The following C5orf22 variants were observed in gnomAD, a reference collection of about 807,000 sequenced individuals.
C5orf22 encodes the protein chromosome 5 open reading frame 22.
In C5orf22, 36 loss-of-function variants were observed where a neutral mutation model predicts 48.7. That is an observed-to-expected ratio of 0.74 (90% confidence interval 0.57 to 0.98). The LOEUF is 0.98. Ranked by LOEUF, C5orf22 falls within the 50% of genes least tolerant of loss-of-function variation. The probability of loss-of-function intolerance (pLI) is 0.00; values close to 1 mark genes in which losing one functional copy is unlikely to be tolerated. For missense variants in C5orf22, 486 were observed against 521.9 expected (o/e 0.93, Z 0.67); for synonymous variants, 141 against 180.8 (o/e 0.78, Z 1.76).
Position 31,554,009 on chromosome 5 carries a change from T to A in C5orf22, c.*1107T>A, listed in dbSNP as rs948431825. Reference sequence around the variant, plus strand: ...CTGACCTGCCATAAATACCCAAAGATATAAACTGTCTTCCACCACCCCCCT... The same window carrying A: ...CTGACCTGCCATAAATACCCAAAGAAATAAACTGTCTTCCACCACCCCCCT... On this transcript the variant is annotated 3_prime_UTR_variant, in exon 9 of 9. Transcript: ENST00000325366. The A allele has an allele frequency of 6.6e-6, 1 of 152,152 alleles. No homozygotes were observed. The highest frequency in any genetic ancestry group is 2.1e-4 in the South Asian group (1 of 4,828). 9.4% of individuals were successfully genotyped at this position (152,152 alleles called of 1,614,324 possible).
At chr5:31,535,144 G>A in intron 2 of C5orf22, 1 of 376,888 alleles carries the variant, frequency 2.7e-6, no homozygotes, top group South Asian at 2.0e-5. Flanking sequence ...AAAAGTAGTA[G>A]TTTATTAAAG....
chr5:31,551,697 A>G (rs1743279133), intron 8 of C5orf22, among the ~76,000 whole-genome samples: 1 of 152,196 alleles, frequency 6.6e-6, no homozygotes, highest in Non-Finnish European at 1.5e-5. Context: ...CCACAAGCTA[A>G]GGAACACAGG....
At chr5:31,545,756 A>G (rs780468272) in intron 7 of C5orf22, 44 bp downstream of exon 7, 1 of 1,290,694 alleles carries the variant, frequency 7.7e-7, no homozygotes. Context: ...CTTTGTAAAG[A>G]CAATTTTCTG....
At chr5:31,542,457 G>C (rs1742529855) in intron 6 of C5orf22, among the ~76,000 whole-genome samples, 2 of 59,284 alleles carry the variant, frequency 3.4e-5, no homozygotes, top group African/African-American at 1.1e-4. Flanking sequence ...CTTTTTCTGA[G>C]ACTCCGTCTC....
intron 8 of C5orf22, 142 bp downstream of exon 8, chr5:31,551,574 T>C: frequency 1.5e-6 from 1 of 665,446 alleles, no homozygotes; most frequent in South Asian, 2.0e-5. Context: ...TTATCCTGGA[T>C]TTATCAGGTG....
intron 8 of C5orf22, among the ~76,000 whole-genome samples, chr5:31,552,361 C>T (rs1029386033): frequency 2.0e-5 from 3 of 152,254 alleles, no homozygotes; most frequent in East Asian, 1.9e-4. Flanking sequence ...TGGAAAACCT[C>T]GACCCTCATC....
intron 6 of C5orf22, among the ~76,000 whole-genome samples, chr5:31,543,138 T>C (rs953402763): frequency 1.3e-5 from 2 of 152,258 alleles, no homozygotes; most frequent in Non-Finnish European, 2.9e-5. Flanking sequence ...TTGTAATTTT[T>C]ACTTAAAATA....
chr5:31,532,401 C>T lies in C5orf22; in HGVS notation c.9C>T (p.Asp3=). Residue 3 remains aspartate (D), a synonymous_variant, in exon 1 of 9, where the codon GAC becomes GAT. Transcript: ENST00000325366. MS[D]SAGGRAGLRR... is the part of the protein sequence containing the mutation. ...CTGACGGGCGCAAAAACATGAGTGA[C>T]TCCGCGGGAGGGCGCGCTGGTCTCC... is the stretch of plus-strand genomic sequence containing the variant. 1 of 1,613,998 alleles carries T rather than the reference C, an allele frequency of 6.2e-7. No individual in the cohort carries two copies. The highest frequency in any genetic ancestry group is 8.5e-7 in the Non-Finnish European group (1 of 1,179,948).
In C5orf22 at chr5:31,553,114, G is replaced by T; in HGVS notation, c.*212G>T. 5.3e-6 allele frequency: 2 copies of T among 378,554 alleles called. No homozygotes were observed. The highest frequency in any genetic ancestry group is 9.5e-6 in the Non-Finnish European group (2 of 211,154). The allele number at this position is 378,554 out of a possible 1,614,324, so 23.4% of individuals were successfully genotyped here. On this transcript the variant is annotated 3_prime_UTR_variant, in exon 9 of 9. Transcript: ENST00000325366. The stretch of plus-strand genomic sequence containing the variant: ...TCTCATAACCCCAACTGATAGAACT[G>T]TTGCTTATCTGTCTTCCTTAAGTAT...
intron 7 of C5orf22, 51 bp from the exon 8 acceptor site, chr5:31,551,242 C>T: frequency 3.8e-6 from 6 of 1,572,232 alleles, no homozygotes; most frequent in Non-Finnish European, 5.2e-6. Flanking sequence ...ATTAAAGAAG[C>T]TTATAAAAAC....
intron 1 of C5orf22, 121 bp downstream of exon 1, chr5:31,532,594 C>T: frequency 1.3e-6 from 1 of 794,002 alleles, no homozygotes; most frequent in East Asian, 2.8e-5. Context: ...TTAAACTGCC[C>T]TATTCCGTTG....
rs1426549547 is a variant in C5orf22, at chr5:31,554,465, G to T, written c.*1563G>T. ...GATAGCATGAATGCTTATTTGTGCT[G>T]TGAAAAGCAGAGCAGCCTGACTCAG... On this transcript the variant is annotated 3_prime_UTR_variant, in exon 9 of 9. Coordinates refer to ENST00000325366, the MANE Select transcript of C5orf22 (RefSeq NM_018356.3). 6.6e-6 allele frequency: 1 copy of T among 152,214 alleles called. No individual in the cohort carries two copies. The highest frequency in any genetic ancestry group is 1.5e-5 in the Non-Finnish European group (1 of 68,044). 9.4% of individuals were successfully genotyped at this position (152,214 alleles called of 1,614,324 possible). A position where few individuals can be genotyped will look rare whatever the true frequency, so the allele number is the denominator to read the frequency against.
chr5:31,536,536 AAAACAAAC>A lies in C5orf22; in HGVS notation c.377+651_377+658del, dbSNP rs376350620. ...AGACTCTGTCTCAAAAACAAAACAA[AAAACAAAC>A]AAACAAAAAAACAGTAATTAGCAGT... On this transcript the variant is annotated intron_variant, in intron 3 of 8. Transcript: ENST00000325366. 1.5e-4 allele frequency among the ~76,000 whole-genome samples: 23 copies of A among 151,884 alleles called. No homozygotes were observed. The East Asian group carries it at 4.4e-3, about 29-fold the overall frequency.
chr5:31,543,782 C>T (rs1742625792), intron 6 of C5orf22, among the ~76,000 whole-genome samples: 1 of 152,042 alleles, frequency 6.6e-6, no homozygotes. Context: ...ACAAAATAGG[C>T]CTGGAAACCT....
rs1742241055 is a variant in C5orf22, at chr5:31,538,379, AC to A, written c.498del (p.Asn166LysfsTer17). 1.2e-6 allele frequency: 2 copies of A among 1,614,234 alleles called. No homozygotes were observed. The highest frequency in any genetic ancestry group is 1.7e-6 in the Non-Finnish European group (2 of 1,180,040). ...ATGGTAAAACCTTATAAACTCTGTA[AC>A]AATCAAGAAGAAAACGATGCAGTGT... Reference protein sequence around the residue: ...VIMVKPYKLCNNQEENDAVSS... With the variant: ...VIMVKPYKLCXNQEENDAVSS... On this transcript the variant is annotated frameshift_variant, in exon 4 of 9. Transcript: ENST00000325366. LOFTEE classifies it high-confidence loss of function.
At chr5:31,546,338 C>G (rs1299299785) in intron 7 of C5orf22, among the ~76,000 whole-genome samples, 9 of 152,158 alleles carry the variant, frequency 5.9e-5, no homozygotes. Flanking sequence ...GATTTGATGC[C>G]AGGGCTAAGA....
At chr5:31,552,414 CTAAGA>C in intron 8 of C5orf22, among the ~76,000 whole-genome samples, 1 of 152,330 alleles carries the variant, frequency 6.6e-6, no homozygotes, top group South Asian at 2.1e-4. Flanking sequence ...TGTTCCATCG[CTAAGA>C]TAATAAGCCC....
intron 6 of C5orf22, among the ~76,000 whole-genome samples, chr5:31,541,689 C>T (rs920340293): frequency 6.6e-6 from 1 of 152,064 alleles, no homozygotes; most frequent in African/African-American, 2.4e-5. Context: ...GGGAGGATTG[C>T]TTGGGCCAAG....
chr5:31,541,061 A>G (rs1742426939), intron 5 of C5orf22, 50 bp downstream of exon 5: 13 of 1,425,454 alleles, frequency 9.1e-6, no homozygotes, highest in Non-Finnish European at 1.2e-5. Flanking sequence ...CATATAACTA[A>G]TAATATCTTG....
Sources: gnomAD v4.1 joint callset for allele counts (sites outside exome capture counted in the v4.1 genomes callset) on GRCh38, gnomAD v4.1.1 for gene constraint, MANE v1.5 for transcripts, NCBI Gene and HGNC (gene_info 2026-07-23, HGNC 2026-07-21) for gene names.